RBMS3: variants seen among roughly 807,000 people sequenced by gnomAD.
RBMS3 encodes RNA binding motif single stranded interacting protein 3.
RBMS3 carries 27 observed loss-of-function variants against 66.8 expected under a neutral mutation model. The ratio of observed to expected loss-of-function variants is 0.40; its 90% CI spans 0.30 to 0.56. RBMS3 has a LOEUF of 0.56. RBMS3 is among the 20% of genes least tolerant of loss of function. RBMS3 has a pLI of 0.40. For missense variants in RBMS3, 513 were observed against 549.5 expected, an observed-to-expected ratio of 0.93 and a Z score of 0.66; for synonymous variants, 188 against 183.0, an observed-to-expected ratio of 1.03 and a Z score of -0.22.
intron 1 of RBMS3, among the ~76,000 whole-genome samples, chr3:29,360,258 G>T (rs111479931): frequency 6.6e-6 from 1 of 151,806 alleles, no homozygotes; most frequent in Non-Finnish European, 1.5e-5. Flanking sequence ...CTTTGTTCTC[G>T]TTGGTTTCAA....
intron 1 of RBMS3, among the ~76,000 whole-genome samples, chr3:29,326,033 A>G (rs1018332536): frequency 6.6e-6 from 1 of 152,184 alleles, no homozygotes; most frequent in Non-Finnish European, 1.5e-5. Flanking sequence ...ACTTGACTGT[A>G]GATTAAACTG....
At chr3:29,894,152 A>G (rs1419970379) in intron 8 of RBMS3, among the ~76,000 whole-genome samples, 2 of 151,566 alleles carry the variant, frequency 1.3e-5, no homozygotes, top group Admixed American at 6.6e-5. Flanking sequence ...TTCAAGATCA[A>G]TGTAGCCGAT....
At chr3:29,594,990 C>G (rs1241091953) in intron 4 of RBMS3, among the ~76,000 whole-genome samples, 1 of 152,092 alleles carries the variant, frequency 6.6e-6, no homozygotes, top group East Asian at 1.9e-4. Flanking sequence ...TAGCATTGGA[C>G]AAAAACAAAA....
chr3:29,364,254 G>T (rs1026474936), intron 1 of RBMS3, among the ~76,000 whole-genome samples: 1 of 152,122 alleles, frequency 6.6e-6, no homozygotes, highest in African/African-American at 2.4e-5. Context: ...TGATTTGTGA[G>T]TATATATTTA....
intron 5 of RBMS3, among the ~76,000 whole-genome samples, chr3:29,752,352 C>G (rs1036176780): frequency 6.6e-6 from 1 of 151,932 alleles, no homozygotes; most frequent in African/African-American, 2.4e-5. Context: ...AGGGTGGGGC[C>G]GGCCAGGGTA....
At chr3:29,614,088 G>A (rs1416005247) in intron 4 of RBMS3, among the ~76,000 whole-genome samples, 1 of 152,050 alleles carries the variant, frequency 6.6e-6, no homozygotes, top group African/African-American at 2.4e-5. Flanking sequence ...TTCATCAATG[G>A]ATGAATGGAT....
intron 6 of RBMS3, among the ~76,000 whole-genome samples, chr3:29,858,719 G>T (rs912227012): frequency 6.6e-6 from 1 of 152,100 alleles, no homozygotes; most frequent in Non-Finnish European, 1.5e-5. Context: ...AAACAATAGC[G>T]TTACATTATT....
intron 1 of RBMS3, among the ~76,000 whole-genome samples, chr3:29,293,983 T>C (rs1055556716): frequency 6.6e-6 from 1 of 151,744 alleles, no homozygotes. Context: ...TGTAAATTTA[T>C]TTTTGGCTTT....
Position 29,332,984 on chromosome 3 carries a change from A to G in RBMS3, c.75+51228A>G, listed in dbSNP as rs141477927. On this transcript the variant is annotated intron_variant, in intron 1 of 14. Transcript: ENST00000383767. The stretch of plus-strand genomic sequence containing the variant: ...TGATTTTACTAGTTATTATTTTCTC[A>G]GCTAGTCTATTAAATATAGAAAAAT... Among the ~76,000 whole-genome samples the G allele has an allele frequency of 9.9e-3, 1,512 of 152,236 alleles. 25 individuals are homozygous for G. The highest frequency in any genetic ancestry group is 0.034 in the African/African-American group (1,409 of 41,566).
chr3:29,363,854 A>T (rs1045876635), intron 1 of RBMS3, among the ~76,000 whole-genome samples: 77 of 152,108 alleles, frequency 5.1e-4, no homozygotes, highest in African/African-American at 1.6e-3. Context: ...CAAATATTTT[A>T]AAAAATTGAT....
At chr3:29,726,651 A>G (rs1347778080) in intron 4 of RBMS3, among the ~76,000 whole-genome samples, 1 of 152,162 alleles carries the variant, frequency 6.6e-6, no homozygotes, top group African/African-American at 2.4e-5. Context: ...CTTACAAGGG[A>G]TGTGAAGGAC....
intron 4 of RBMS3, among the ~76,000 whole-genome samples, chr3:29,587,860 A>G (rs1413866090): frequency 6.6e-6 from 1 of 152,056 alleles, no homozygotes; most frequent in African/African-American, 2.4e-5. Flanking sequence ...TGTATTCTAG[A>G]ACCTTCTACC....
intron 4 of RBMS3, among the ~76,000 whole-genome samples, chr3:29,674,479 T>C (rs950725825): frequency 2.0e-5 from 3 of 152,224 alleles, no homozygotes; most frequent in African/African-American, 7.2e-5. Context: ...CGTTTGCAGA[T>C]GACATGATTG....
chr3:29,605,881 CT>C (rs2048304967), intron 4 of RBMS3, among the ~76,000 whole-genome samples: 1 of 151,622 alleles, frequency 6.6e-6, no homozygotes, highest in Admixed American at 6.6e-5. Context: ...TATTTAGAAC[CT>C]GGTCAGATAT....
intron 3 of RBMS3, among the ~76,000 whole-genome samples, chr3:29,529,120 C>T (rs1473349795): frequency 6.6e-6 from 1 of 152,116 alleles, no homozygotes; most frequent in Non-Finnish European, 1.5e-5. Context: ...AAAATAAAAT[C>T]TGTCATTGAT....
intron 5 of RBMS3, among the ~76,000 whole-genome samples, chr3:29,756,357 C>T (rs552478836): frequency 2.0e-5 from 3 of 152,044 alleles, no homozygotes; most frequent in Non-Finnish European, 4.4e-5. Context: ...GAAGAAATAC[C>T]TGAGACTGAG....
chr3:29,753,198 G>A (rs1375254119), intron 5 of RBMS3, among the ~76,000 whole-genome samples: 1 of 152,174 alleles, frequency 6.6e-6, no homozygotes, highest in African/African-American at 2.4e-5. Context: ...AGCATTTGCA[G>A]TTTTTGGGGA....
chr3:29,735,357 C>T (rs2054333252), intron 4 of RBMS3, among the ~76,000 whole-genome samples: 1 of 152,098 alleles, frequency 6.6e-6, no homozygotes, highest in South Asian at 2.1e-4. Flanking sequence ...GATCTGGGCT[C>T]CCATTAACAA....
intron 10 of RBMS3, among the ~76,000 whole-genome samples, chr3:29,930,748 A>T (rs945532837): frequency 6.6e-6 from 1 of 151,618 alleles, no homozygotes; most frequent in Non-Finnish European, 1.5e-5. Context: ...ATATATTTAT[A>T]TGTCTCATAT....
Sources: gnomAD v4.1 joint callset for allele counts (sites outside exome capture counted in the v4.1 genomes callset) on GRCh38, gnomAD v4.1.1 for gene constraint, MANE v1.5 for transcripts, NCBI Gene and HGNC (gene_info 2026-07-23, HGNC 2026-07-21) for gene names.